STXBP6: variants seen among roughly 807,000 people sequenced by gnomAD.
STXBP6 encodes syntaxin binding protein 6.
Under a neutral mutation model 26.9 loss-of-function variants are expected in STXBP6, and 21 were observed. That is an observed-to-expected ratio of 0.78 (90% CI 0.55 to 1.12). STXBP6 has a LOEUF of 1.12. STXBP6 is among the 50% of genes most tolerant of loss of function. The pLI is 0.00. For synonymous variants in STXBP6, 97 were observed against 92.6 expected (o/e 1.05, Z -0.27); for missense variants, 232 against 257.9 (o/e 0.90, Z 0.69).
At chr14:24,831,273 C>G (rs758226596) in intron 4 of STXBP6, among the ~76,000 whole-genome samples, 3 of 152,260 alleles carry the variant, frequency 2.0e-5, no homozygotes, top group Middle Eastern at 6.8e-3. Context: ...GTTTCTATTA[C>G]TACATTCAAT....
In STXBP6 at chr14:24,908,164, C is replaced by T. The variant is rs141118315; in HGVS notation, c.155-51007G>A. On this transcript the variant is annotated intron_variant, in intron 2 of 5. Transcript: ENST00000323944. ...CTTTCGTCTTTACAATAAATAGTAT[C>T]ACCACTCAGCTGGGTACACTGAAGA... Among the ~76,000 whole-genome samples, 230 of 152,254 alleles carry T rather than the reference C, an allele frequency of 1.5e-3. 2 individuals carry two copies. The highest frequency in any genetic ancestry group is 5.3e-3 in the African/African-American group (221 of 41,542).
At chr14:24,869,068 C>T (rs1368120706) in intron 2 of STXBP6, among the ~76,000 whole-genome samples, 1 of 152,214 alleles carries the variant, frequency 6.6e-6, no homozygotes, top group African/African-American at 2.4e-5. Flanking sequence ...TCTTCAGGTA[C>T]CTGGTAGGGT....
In STXBP6 at chr14:24,992,619, G is replaced by A. The variant is rs148017637; in HGVS notation, c.-32-17769C>T. Among the ~76,000 whole-genome samples the A allele has an allele frequency of 3.5e-4, 53 of 152,244 alleles. No individual in the cohort carries two copies. The East Asian group carries it at 7.5e-3, about 22-fold the overall frequency. ...GACATAAATGAATGGACGTCACTGC[G>A]TTCTAGTAAAATTTTGTTTATAAAA... On this transcript the variant is annotated intron_variant, in intron 1 of 5. Coordinates refer to ENST00000323944, the MANE Select transcript of STXBP6 (RefSeq NM_001394410.1).
intron 1 of STXBP6, among the ~76,000 whole-genome samples, chr14:24,998,954 T>C (rs2074678430): frequency 6.6e-6 from 1 of 152,092 alleles, no homozygotes; most frequent in East Asian, 1.9e-4. Context: ...TAACTACGTA[T>C]ATTCCTTGCT....
chr14:24,949,085 A>G (rs939876425), intron 2 of STXBP6, among the ~76,000 whole-genome samples: 3 of 152,216 alleles, frequency 2.0e-5, no homozygotes, highest in Non-Finnish European at 4.4e-5. Flanking sequence ...ATGAAATCCA[A>G]CTGAATTGGT....
chr14:25,019,868 GT>G lies in STXBP6; in HGVS notation c.-33+30009del, dbSNP rs35017131. On this transcript the variant is annotated intron_variant, in intron 1 of 5. Coordinates refer to ENST00000323944, the MANE Select transcript of STXBP6 (RefSeq NM_001394410.1). ...TTATTATAAAATACAAGTTTCGTGG[GT>G]TTTTTTTTTTTTTTTTGGTGAGTCT... Among the ~76,000 whole-genome samples the G allele has an allele frequency of 6.7e-3, 855 of 128,216 alleles. 2 individuals carry two copies. Among genetic ancestry groups the G allele is most frequent in the Admixed American group, 9.3e-3 (116 of 12,522 alleles). 84.1% of individuals were successfully genotyped at this position (128,216 alleles called of 152,430 possible). A position where few individuals can be genotyped will look rare whatever the true frequency, so the allele number is the denominator to read the frequency against.
chr14:24,996,613 A>G (rs2074608295), intron 1 of STXBP6, among the ~76,000 whole-genome samples: 1 of 152,056 alleles, frequency 6.6e-6, no homozygotes, highest in African/African-American at 2.4e-5. Flanking sequence ...GCACTTTGGG[A>G]GGCTGAGGCA....
intron 1 of STXBP6, among the ~76,000 whole-genome samples, chr14:24,990,640 A>G (rs2074442864): frequency 7.1e-6 from 1 of 140,012 alleles, no homozygotes; most frequent in African/African-American, 2.8e-5. Flanking sequence ...CCTGGACATG[A>G]GTGAATGAAA....
chr14:24,834,448 G>A (rs1369860472), intron 4 of STXBP6, among the ~76,000 whole-genome samples: 3 of 152,258 alleles, frequency 2.0e-5, no homozygotes, highest in South Asian at 4.2e-4. Context: ...TTATTTGTAG[G>A]AAAGATCCTT....
intron 2 of STXBP6, among the ~76,000 whole-genome samples, chr14:24,870,865 C>T (rs2069904784): frequency 6.6e-6 from 1 of 152,130 alleles, no homozygotes; most frequent in Non-Finnish European, 1.5e-5. Context: ...AAATGCATCA[C>T]AAAAATACGA....
intron 1 of STXBP6, among the ~76,000 whole-genome samples, chr14:24,989,697 C>T (rs995660346): frequency 3.3e-5 from 5 of 152,160 alleles, no homozygotes; most frequent in African/African-American, 1.2e-4. Context: ...CTCCAATTAA[C>T]CTATTTCCCA....
At chr14:24,813,338 T>C (rs2067877821) in intron 5 of STXBP6, among the ~76,000 whole-genome samples, 1 of 152,206 alleles carries the variant, frequency 6.6e-6, no homozygotes, top group African/African-American at 2.4e-5. Flanking sequence ...TTAGGTCTTT[T>C]AAATGGGAAC....
intron 2 of STXBP6, among the ~76,000 whole-genome samples, chr14:24,954,264 A>T (rs2073266549): frequency 6.6e-6 from 1 of 152,078 alleles, no homozygotes; most frequent in Non-Finnish European, 1.5e-5. Context: ...TTGGGTAGCA[A>T]GGTTTGGTAG....
chr14:24,918,970 G>A (rs944311256), intron 2 of STXBP6, among the ~76,000 whole-genome samples: 7 of 152,060 alleles, frequency 4.6e-5, no homozygotes, highest in Non-Finnish European at 1.0e-4. Flanking sequence ...CAGAAGAAAC[G>A]AAAGCAGGTG....
chr14:24,993,963 C>T (rs555698201), intron 1 of STXBP6, among the ~76,000 whole-genome samples: 69 of 152,296 alleles, frequency 4.5e-4, no homozygotes, highest in African/African-American at 1.6e-3. Flanking sequence ...TTGTCCCTCC[C>T]AGCTGCAGGG....
chr14:24,952,765 T>C (rs539985413), intron 2 of STXBP6, among the ~76,000 whole-genome samples: 3 of 152,282 alleles, frequency 2.0e-5, no homozygotes, highest in African/African-American at 7.2e-5. Context: ...TACGTTGTTT[T>C]CCCTCTTGAT....
chr14:24,826,511 G>T (rs1475429704), intron 4 of STXBP6, among the ~76,000 whole-genome samples: 1 of 152,166 alleles, frequency 6.6e-6, no homozygotes, highest in East Asian at 1.9e-4. Flanking sequence ...GGAGGAGTCT[G>T]CCCCTACTGT....
At chr14:24,999,504 C>G (rs1273775888) in intron 1 of STXBP6, among the ~76,000 whole-genome samples, 2 of 152,206 alleles carry the variant, frequency 1.3e-5, no homozygotes, top group South Asian at 2.1e-4. Flanking sequence ...GAATGCTGCT[C>G]TAAAGAAGCT....
intron 4 of STXBP6, among the ~76,000 whole-genome samples, chr14:24,848,295 A>C (rs1417939970): frequency 6.6e-6 from 1 of 152,150 alleles, no homozygotes; most frequent in Non-Finnish European, 1.5e-5. Flanking sequence ...AGAGATGCTG[A>C]GTATAACTTA....
Sources: allele counts gnomAD v4.1 joint callset (sites outside exome capture counted in the v4.1 genomes callset), GRCh38; gene constraint gnomAD v4.1.1; transcripts MANE v1.5; gene names NCBI Gene and HGNC (gene_info 2026-07-23, HGNC 2026-07-21).